NXPH1: variants seen among roughly 807,000 people sequenced by gnomAD.
NXPH1 encodes the protein neurexophilin-1.
Under a neutral mutation model 23.7 loss-of-function variants are expected in NXPH1, and 5 were observed. The observed-to-expected ratio is 0.21, with a 90% confidence interval of 0.11 to 0.44. The LOEUF (loss-of-function observed/expected upper bound fraction) is 0.44, where lower values mean the gene tolerates loss of function less well. Among genes scored for constraint, NXPH1 ranks in the 20% least tolerant of loss-of-function variants. The pLI is 0.99. For synonymous variants in NXPH1, 144 were observed against 122.2 expected (o/e 1.18, Z -1.18); for missense variants, 324 against 321.6 (o/e 1.01, Z -0.06).
At chr7:8,739,063 C>A (rs1455555671) in intron 2 of NXPH1, among the ~76,000 whole-genome samples, 1 of 150,872 alleles carries the variant, frequency 6.6e-6, no homozygotes. Flanking sequence ...TTGCTGGGCT[C>A]CTTGGGGGTG....
intron 2 of NXPH1, among the ~76,000 whole-genome samples, chr7:8,740,600 G>C (rs1485804685): frequency 3.3e-5 from 5 of 152,166 alleles, no homozygotes; most frequent in Admixed American, 2.6e-4. Flanking sequence ...TTAAGAGAGA[G>C]CCATGAAGCT....
intron 2 of NXPH1, among the ~76,000 whole-genome samples, chr7:8,666,252 A>G (rs574839875): frequency 2.6e-4 from 40 of 152,048 alleles, no homozygotes; most frequent in African/African-American, 9.1e-4. Context: ...TTTATCATGA[A>G]GGGTTATTAT....
At chr7:8,738,142 G>A (rs987689083) in intron 2 of NXPH1, among the ~76,000 whole-genome samples, 14 of 152,070 alleles carry the variant, frequency 9.2e-5, no homozygotes, top group African/African-American at 2.2e-4. Flanking sequence ...CTGTCCATTC[G>A]TCAAACTCAT....
intron 2 of NXPH1, among the ~76,000 whole-genome samples, chr7:8,670,516 C>G (rs746936753): frequency 4.6e-5 from 7 of 152,172 alleles, no homozygotes; most frequent in Non-Finnish European, 1.0e-4. Flanking sequence ...CATGTAAACT[C>G]GTGCATCTTT....
intron 2 of NXPH1, among the ~76,000 whole-genome samples, chr7:8,656,017 A>T (rs1820576365): frequency 6.6e-6 from 1 of 152,210 alleles, no homozygotes; most frequent in Non-Finnish European, 1.5e-5. Flanking sequence ...AAGGCATTTA[A>T]TATTGCATCT....
chr7:8,460,561 G>A (rs557130451), intron 2 of NXPH1, among the ~76,000 whole-genome samples: 1 of 152,254 alleles, frequency 6.6e-6, no homozygotes, highest in Non-Finnish European at 1.5e-5. Flanking sequence ...GGGAAGGTTT[G>A]GATTCAATGA....
At chr7:8,508,832 AG>A (rs1264670515) in intron 2 of NXPH1, among the ~76,000 whole-genome samples, 1 of 152,054 alleles carries the variant, frequency 6.6e-6, no homozygotes, top group Non-Finnish European at 1.5e-5. Flanking sequence ...GAAGGAAGTT[AG>A]GGTCTTGTAA....
intron 2 of NXPH1, among the ~76,000 whole-genome samples, chr7:8,461,587 T>C (rs1245044027): frequency 6.6e-6 from 1 of 151,602 alleles, no homozygotes; most frequent in Non-Finnish European, 1.5e-5. Flanking sequence ...TCCCAGCACT[T>C]TGGGAGGCCG....
intron 2 of NXPH1, among the ~76,000 whole-genome samples, chr7:8,656,219 A>G (rs1423850752): frequency 6.6e-6 from 1 of 152,264 alleles, no homozygotes; most frequent in Non-Finnish European, 1.5e-5. Context: ...GATAAGACAA[A>G]TAATAAAGCT....
At position 8,519,725 on chromosome 7, in the gene NXPH1, A is replaced by G. The variant is rs188378448; in HGVS notation, c.54+83958A>G. Among the ~76,000 whole-genome samples the G allele has an allele frequency of 9.9e-5, 15 of 152,276 alleles. No individual in the cohort carries two copies. The East Asian group carries it at 2.9e-3, about 29-fold the overall frequency. Reference sequence around the variant, plus strand: ...CGTGTGCATTACTTGAAAGCCATGCATGGGCTGAAGGATGTTGCAGTAGAG... The same window carrying G: ...CGTGTGCATTACTTGAAAGCCATGCGTGGGCTGAAGGATGTTGCAGTAGAG... On this transcript the variant is annotated intron_variant, in intron 2 of 2. Transcript: ENST00000405863.
At chr7:8,506,212 C>A (rs950963778) in intron 2 of NXPH1, among the ~76,000 whole-genome samples, 2 of 152,050 alleles carry the variant, frequency 1.3e-5, no homozygotes, top group Non-Finnish European at 2.9e-5. Flanking sequence ...ACTGTTGTTG[C>A]AATGATTTTT....
At chr7:8,701,999 C>T (rs1383140951) in intron 2 of NXPH1, among the ~76,000 whole-genome samples, 1 of 150,998 alleles carries the variant, frequency 6.6e-6, no homozygotes, top group Non-Finnish European at 1.5e-5. Flanking sequence ...TATCTGTTAA[C>T]TATTTGCTTC....
chr7:8,453,748 G>T (rs555574953), intron 2 of NXPH1, among the ~76,000 whole-genome samples: 2 of 152,150 alleles, frequency 1.3e-5, no homozygotes, highest in African/African-American at 4.8e-5. Flanking sequence ...CAAAGGAAAT[G>T]ATCTTGTTCT....
intron 2 of NXPH1, among the ~76,000 whole-genome samples, chr7:8,462,304 C>T (rs896601242): frequency 2.0e-5 from 3 of 152,230 alleles, no homozygotes; most frequent in Admixed American, 2.0e-4. Context: ...ACCTTAGCCT[C>T]CCAAAGTTCT....
At chr7:8,596,313 A>C (rs755990335) in intron 2 of NXPH1, among the ~76,000 whole-genome samples, 3 of 152,110 alleles carry the variant, frequency 2.0e-5, no homozygotes, top group African/African-American at 4.8e-5. Context: ...CTTAAAAAGG[A>C]TAAGAGTGCT....
chr7:8,620,821 G>C (rs1043837675), intron 2 of NXPH1, among the ~76,000 whole-genome samples: 2 of 152,088 alleles, frequency 1.3e-5, no homozygotes, highest in African/African-American at 4.8e-5. Context: ...CACTTTAAAG[G>C]CCTCATGGGG....
chr7:8,614,516 T>C (rs1274593708), intron 2 of NXPH1, among the ~76,000 whole-genome samples: 2 of 151,974 alleles, frequency 1.3e-5, no homozygotes, highest in African/African-American at 4.8e-5. Context: ...TATATATACA[T>C]ACACGTTTAG....
At chr7:8,463,208 A>G (rs1816723588) in intron 2 of NXPH1, among the ~76,000 whole-genome samples, 1 of 152,162 alleles carries the variant, frequency 6.6e-6, no homozygotes, top group Admixed American at 6.5e-5. Flanking sequence ...TTAAAACACA[A>G]ATTGAGGCAT....
intron 2 of NXPH1, among the ~76,000 whole-genome samples, chr7:8,676,419 C>T (rs1820954192): frequency 6.6e-6 from 1 of 152,136 alleles, no homozygotes; most frequent in Non-Finnish European, 1.5e-5. Flanking sequence ...CAAATCAGGC[C>T]TCATCTATGC....
Sources: gnomAD v4.1 joint callset for allele counts (sites outside exome capture counted in the v4.1 genomes callset) on GRCh38, gnomAD v4.1.1 for gene constraint, MANE v1.5 for transcripts, NCBI Gene and HGNC (gene_info 2026-07-23, HGNC 2026-07-21) for gene names.